UGT1A7: variants seen among roughly 807,000 people sequenced by gnomAD.
UGT1A7 encodes UDP-glucuronosyltransferase 1A7.
UGT1A7 carries 33 observed loss-of-function variants against 45.6 expected under a neutral mutation model. The observed-to-expected ratio is 0.72, with a 90% CI of 0.55 to 0.97. The LOEUF (loss-of-function observed/expected upper bound fraction) is 0.97. Ranked by LOEUF, UGT1A7 falls within the 50% of genes least tolerant of loss-of-function variation. The pLI is 0.00. For missense variants in UGT1A7, 684 were observed against 666.2 expected, an observed-to-expected ratio of 1.03 and a Z score of -0.29; for synonymous variants, 274 against 250.6, an observed-to-expected ratio of 1.09 and a Z score of -0.88.
intron 2 of UGT1A7, among the ~76,000 whole-genome samples, chr2:233,767,421 A>G (rs1260096333): frequency 6.6e-6 from 1 of 152,234 alleles, no homozygotes; most frequent in Non-Finnish European, 1.5e-5. Context: ...TCAAAAGTGT[A>G]TTAGGGAGAA....
chr2:233,765,183 T>A (rs1157736453), intron 1 of UGT1A7, among the ~76,000 whole-genome samples: 1 of 152,162 alleles, frequency 6.6e-6, no homozygotes. Flanking sequence ...CCCTGCCACA[T>A]CACACAATCA....
Position 233,695,130 on chromosome 2 carries a change from C to CTTTCTTTTTTTTTTTTTT in UGT1A7, c.855+12341_855+12342insCTTTTTTTTTTTTTTTTT, listed in dbSNP as rs1364557158. Among the ~76,000 whole-genome samples, 15 of 138,840 alleles carry CTTTCTTTTTTTTTTTTTT rather than the reference C, an allele frequency of 1.1e-4. 2 individuals carry two copies. Among genetic ancestry groups the CTTTCTTTTTTTTTTTTTT allele is most frequent in the Admixed American group, 3.5e-4 (5 of 14,108 alleles). 91.1% of individuals were successfully genotyped at this position (138,840 alleles called of 152,430 possible). ...GCCCATTAACCAACCCTTTTCTTTTCTTTTTTTTTTTTTTGAGACAGAGTC... is the reference window on the plus strand; with the variant it reads ...GCCCATTAACCAACCCTTTTCTTTTCTTTCTTTTTTTTTTTTTTTTTTTTTTTTTTTTGAGACAGAGTC... On this transcript the variant is annotated intron_variant, in intron 1 of 4. Transcript: ENST00000373426.
rs1699915243 is a variant in UGT1A7, at chr2:233,769,658, C to T, written c.1295+1219C>T. On this transcript the variant is annotated intron_variant, in intron 4 of 4. Coordinates refer to ENST00000373426, the MANE Select transcript of UGT1A7 (RefSeq NM_019077.3). The surrounding 1 kb of genome is among the most constrained non-coding windows in gnomAD (Gnocchi z 4.4). ...GGAGGACTGATGACTGACTTCCCAC[C>T]TTTGAGGTGCTAATGTGTGTGTGGT... 2 of 1,600,404 alleles carry T rather than the reference C, an allele frequency of 1.2e-6. No individual in the cohort carries two copies. The highest frequency in any genetic ancestry group is 2.7e-5 in the African/African-American group (2 of 74,670).
At chr2:233,692,951 T>C in intron 1 of UGT1A7, 1 of 1,602,764 alleles carries the variant, frequency 6.2e-7, no homozygotes. Flanking sequence ...AGGAGCCCTG[T>C]GATTTGGAGA....
chr2:233,738,966 A>C (rs185032908), intron 1 of UGT1A7: 1 of 152,340 alleles, frequency 6.6e-6, no homozygotes, highest in Non-Finnish European at 1.5e-5. Context: ...CCAGGCCCCC[A>C]CTGCTGTGTG....
Position 233,682,744 on chromosome 2 carries a change from G to A in UGT1A7, c.807G>A (p.Met269Ile), listed in dbSNP as rs1213672216. 7.4e-6 allele frequency: 12 copies of A among 1,613,896 alleles called. No individual in the cohort carries two copies. The highest frequency in any genetic ancestry group is 9.3e-6 in the Non-Finnish European group (11 of 1,179,832). ...LEYPKPVMPN[M>I]IFIGGINCHQ... ...ATCCCAAACCCGTGATGCCCAATAT[G>A]ATCTTCATTGGTGGTATCAACTGTC... Residue 269 changes from methionine to isoleucine, a missense_variant, in exon 1 of 5, where the codon ATG becomes ATA. Physicochemically the swap from Met to Ile is conservative, Grantham distance 10. Transcript: ENST00000373426.
rs190865559 is a variant in UGT1A7 at position 233,744,424 on chromosome 2, A to G, written c.856-22610A>G. 3.3e-5 allele frequency among the ~76,000 whole-genome samples: 5 copies of G among 151,988 alleles called. No individual in the cohort carries two copies. The East Asian group carries it at 9.6e-4, about 29-fold the overall frequency. On this transcript the variant is annotated intron_variant, in intron 1 of 4. Coordinates refer to ENST00000373426, the MANE Select transcript of UGT1A7 (RefSeq NM_019077.3). ...CCATTTGCTTTTGTTCATGTGGATT[A>G]TATCTATCATACGTACTGCATTAGA...
intron 1 of UGT1A7, among the ~76,000 whole-genome samples, chr2:233,737,833 T>A (rs1346055905): frequency 6.6e-6 from 1 of 152,174 alleles, no homozygotes; most frequent in African/African-American, 2.4e-5. Flanking sequence ...AATTGGGAAC[T>A]GTGGCACAGG....
intron 1 of UGT1A7, chr2:233,692,872 T>C (rs2125553048): frequency 1.3e-6 from 2 of 1,488,718 alleles, no homozygotes; most frequent in Non-Finnish European, 1.8e-6. Flanking sequence ...TATCAAAGGG[T>C]AAAATTCAGA....
At chr2:233,699,090 T>C (rs2075483831) in intron 1 of UGT1A7, among the ~76,000 whole-genome samples, 1 of 152,200 alleles carries the variant, frequency 6.6e-6, no homozygotes, top group Non-Finnish European at 1.5e-5. Context: ...TCTAGCCCTG[T>C]GCACCTCATC....
intron 1 of UGT1A7, among the ~76,000 whole-genome samples, chr2:233,737,957 G>A (rs779523802): frequency 7.9e-5 from 12 of 151,950 alleles, no homozygotes; most frequent in Non-Finnish European, 1.6e-4. Context: ...CCCAACATGA[G>A]GTCACACTAG....
intron 1 of UGT1A7, among the ~76,000 whole-genome samples, chr2:233,689,496 A>G (rs2125542455): frequency 6.6e-6 from 1 of 152,236 alleles, no homozygotes; most frequent in East Asian, 1.9e-4. Context: ...GCAAATCAAT[A>G]CGCAGAGGTT....
chr2:233,704,587 GAAGA>G (rs1243475624), intron 1 of UGT1A7, among the ~76,000 whole-genome samples: 1 of 152,074 alleles, frequency 6.6e-6, no homozygotes, highest in Admixed American at 6.5e-5. Context: ...GAATCAGAGA[GAAGA>G]AAGAAGAGCA....
chr2:233,763,230 T>C (rs1698265609), intron 1 of UGT1A7, among the ~76,000 whole-genome samples: 1 of 152,252 alleles, frequency 6.6e-6, no homozygotes, highest in African/African-American at 2.4e-5. Context: ...AATATGTTTT[T>C]AAATTGTACC....
At chr2:233,711,354 C>G (rs1387342793) in intron 1 of UGT1A7, among the ~76,000 whole-genome samples, 6 of 152,220 alleles carry the variant, frequency 3.9e-5, no homozygotes, top group Non-Finnish European at 7.4e-5. Context: ...AACAGGGGAG[C>G]CCCCTGAATG....
rs1328380095 is a variant in UGT1A7, at chr2:233,769,540, G to A, written c.1295+1101G>A. On this transcript the variant is annotated intron_variant, in intron 4 of 4. Coordinates refer to ENST00000373426, the MANE Select transcript of UGT1A7 (RefSeq NM_019077.3). The surrounding 1 kb of genome is among the most constrained non-coding windows in gnomAD (Gnocchi z 4.4). ...TGGTTACCTCCTTTAGAAAGAAGCA[G>A]CAGTCAGGAAGACAGATGTGAAGAG... The A allele has an allele frequency of 1.9e-6, 3 of 1,612,926 alleles. No homozygotes were observed. In the South Asian group the frequency reaches 3.3e-5, roughly 18 times the overall value.
rs1393743923 is a variant in UGT1A7, at chr2:233,745,878, T to C, written c.856-21156T>C. 2.0e-5 allele frequency among the ~76,000 whole-genome samples: 3 copies of C among 150,678 alleles called. 1 individual carries two copies. Among genetic ancestry groups the C allele is most frequent in the African/African-American group, 7.4e-5 (3 of 40,514 alleles). On this transcript the variant is annotated intron_variant, in intron 1 of 4. Transcript: ENST00000373426. ...AAGCTGCTGACCAAGGTTCCAGAAGTGTTGGTGGGGTGGCGTTTTTCAGGG... is the reference window on the plus strand; with the variant it reads ...AAGCTGCTGACCAAGGTTCCAGAAGCGTTGGTGGGGTGGCGTTTTTCAGGG...
chr2:233,769,729 C>T lies in UGT1A7; in HGVS notation c.1295+1290C>T. The T allele has an allele frequency of 6.8e-6, 10 of 1,468,988 alleles. No homozygotes were observed. Among genetic ancestry groups the T allele is most frequent in the Non-Finnish European group, 9.0e-6 (10 of 1,109,108 alleles). 91.0% of individuals were successfully genotyped at this position (1,468,988 alleles called of 1,614,324 possible). ...TGTTGGCTAGGCACCATGGCACACGCCTGTAGTCCCAGCCACTCTGGAGGC... is the reference window on the plus strand; with the variant it reads ...TGTTGGCTAGGCACCATGGCACACGTCTGTAGTCCCAGCCACTCTGGAGGC... On this transcript the variant is annotated intron_variant, in intron 4 of 4. Transcript: ENST00000373426. This position sits in a 1 kb window ranked among gnomAD's most constrained non-coding sequence, Gnocchi z 4.4.
intron 1 of UGT1A7, among the ~76,000 whole-genome samples, chr2:233,707,570 G>A (rs1253760996): frequency 6.9e-6 from 1 of 143,972 alleles, no homozygotes; most frequent in Admixed American, 7.0e-5. Context: ...CCTTATGTTT[G>A]AGAGATTCAT....
Sources: gnomAD v4.1 joint callset for allele counts (sites outside exome capture counted in the v4.1 genomes callset) on GRCh38, gnomAD v4.1.1 for gene constraint, Gnocchi (gnomAD v3.1) non-coding constraint, MANE v1.5 for transcripts, NCBI Gene and HGNC (gene_info 2026-07-23, HGNC 2026-07-21) for gene names.